PTPRG: variants seen among roughly 807,000 people sequenced by gnomAD.
The protein encoded by PTPRG is protein tyrosine phosphatase receptor type G.
In PTPRG, 102 loss-of-function variants were observed where a neutral mutation model predicts 165.3. The observed-to-expected ratio is 0.62, with a 90% CI of 0.53 to 0.73. The LOEUF (loss-of-function observed/expected upper bound fraction) is 0.73. Ranked by LOEUF, PTPRG falls within the 30% of genes least tolerant of loss-of-function variation. The probability of loss-of-function intolerance (pLI) is 0.00; values close to 1 mark genes in which losing one functional copy is unlikely to be tolerated. For synonymous variants in PTPRG, 675 were observed against 669.5 expected, an observed-to-expected ratio of 1.01 and a Z score of -0.13; for missense variants, 1,866 against 1,861.4, an observed-to-expected ratio of 1.00 and a Z score of -0.05.
Position 62,271,597 on chromosome 3 carries a change from G to T in PTPRG, c.3182+42G>T. On this transcript the variant is annotated intron_variant, in intron 21 of 29. Coordinates refer to ENST00000474889, the MANE Select transcript of PTPRG (RefSeq NM_002841.4). The surrounding 1 kb of genome is among the most constrained non-coding windows in gnomAD (Gnocchi z 4.1). ...AACATGTGAAATAGATGGGGCAGGG[G>T]ACTTAGGCCTCAGTGACCTTGGACC... 2 of 1,561,572 alleles carry T rather than the reference G, an allele frequency of 1.3e-6. No individual in the cohort carries two copies. The highest frequency in any genetic ancestry group is 2.4e-5 in the South Asian group (2 of 83,678).
chr3:61,843,534 A>T (rs2036713406), intron 2 of PTPRG, among the ~76,000 whole-genome samples: 1 of 152,202 alleles, frequency 6.6e-6, no homozygotes, highest in Admixed American at 6.5e-5. Context: ...GGTGAAGAAG[A>T]AGTTAAAATG....
At chr3:61,900,902 A>T (rs1393831895) in intron 2 of PTPRG, among the ~76,000 whole-genome samples, 1 of 152,204 alleles carries the variant, frequency 6.6e-6, no homozygotes, top group Non-Finnish European at 1.5e-5. Context: ...ATCTAACCTC[A>T]CGAAGCCTCC....
intron 12 of PTPRG, among the ~76,000 whole-genome samples, chr3:62,216,613 A>C (rs1700516210): frequency 7.1e-6 from 1 of 141,214 alleles, no homozygotes; most frequent in African/African-American, 2.7e-5. Context: ...AATTATTCTT[A>C]TTTGCAACTC....
Position 62,035,890 on chromosome 3 carries a change from T to C in PTPRG, c.519+32393T>C, listed in dbSNP as rs1291908266. Among the ~76,000 whole-genome samples, 6 of 152,336 alleles carry C rather than the reference T, an allele frequency of 3.9e-5. No individual in the cohort carries two copies. The East Asian group carries it at 9.6e-4, about 24-fold the overall frequency. Reference sequence around the variant, plus strand: ...TAAGCCTTACATGGTTGTAGGCCTATGTCCAGCAATTGGTGGGAGCACTGT... The same window carrying C: ...TAAGCCTTACATGGTTGTAGGCCTACGTCCAGCAATTGGTGGGAGCACTGT... On this transcript the variant is annotated intron_variant, in intron 4 of 29. Coordinates refer to ENST00000474889, the MANE Select transcript of PTPRG (RefSeq NM_002841.4).
intron 2 of PTPRG, among the ~76,000 whole-genome samples, chr3:61,941,924 C>T (rs557376685): frequency 2.6e-5 from 4 of 151,284 alleles, no homozygotes; most frequent in South Asian, 2.1e-4. Flanking sequence ...TTTGGAAGGT[C>T]GCGGCGGGTG....
At chr3:61,923,860 T>C (rs916931076) in intron 2 of PTPRG, among the ~76,000 whole-genome samples, 9 of 152,018 alleles carry the variant, frequency 5.9e-5, no homozygotes, top group African/African-American at 2.2e-4. Context: ...ATCACTATGC[T>C]ATTATGCTAT....
Position 62,203,285 on chromosome 3 carries a change from G to T in PTPRG, c.1490G>T (p.Gly497Val), listed in dbSNP as rs752287431. The stretch of plus-strand genomic sequence containing the variant: ...TTTGTTTCCATGGCAACTGGGATGG[G>T]CCCCTCCTCCAGTGGCAGCCAGGCC... ...FSFVSMATGM[G>V]PSSSGSQATV... The change falls in exon 12 of 30, where the codon GGC becomes GTC. Residue 497 changes from glycine (G) to valine (V), a missense_variant. Physicochemically the swap from Gly to Val is moderately radical, Grantham distance 109. Around this residue, in one of 3 missense-constraint regions of PTPRG, gnomAD observed 1,452 missense variants for 1,463.0 expected, o/e 0.99. Transcript: ENST00000474889. This position sits in a 1 kb window ranked among gnomAD's most constrained non-coding sequence, Gnocchi z 6.4. 10 of 1,613,590 alleles carry T rather than the reference G, an allele frequency of 6.2e-6. No individual in the cohort carries two copies. The highest frequency in any genetic ancestry group is 8.5e-6 in the Non-Finnish European group (10 of 1,179,974).
At chr3:61,760,088 G>T (rs2033782984) in intron 2 of PTPRG, among the ~76,000 whole-genome samples, 1 of 152,144 alleles carries the variant, frequency 6.6e-6, no homozygotes, top group Non-Finnish European at 1.5e-5. Context: ...CTAAGCAGTA[G>T]TACAGCTGGC....
intron 2 of PTPRG, among the ~76,000 whole-genome samples, chr3:61,950,558 T>A: frequency 6.7e-6 from 1 of 150,374 alleles, no homozygotes. Flanking sequence ...ATGCCTTAAA[T>A]GGTTTTTTTT....
At chr3:62,026,816 G>T (rs12637174) in intron 4 of PTPRG, among the ~76,000 whole-genome samples, 1 of 145,500 alleles carries the variant, frequency 6.9e-6, no homozygotes, top group African/African-American at 2.6e-5. Context: ...AACCCGGGAG[G>T]TGGAGGTTGC....
chr3:61,839,771 A>G (rs1016729249), intron 2 of PTPRG, among the ~76,000 whole-genome samples: 2 of 152,246 alleles, frequency 1.3e-5, no homozygotes, highest in Admixed American at 1.3e-4. Context: ...TGCTTTGGAC[A>G]TTTTCTGAAT....
intron 1 of PTPRG, among the ~76,000 whole-genome samples, chr3:61,625,676 G>A (rs1701589078): frequency 6.6e-6 from 1 of 152,130 alleles, no homozygotes; most frequent in Non-Finnish European, 1.5e-5. Context: ...GAATTTACTG[G>A]CCATTGGTGC....
intron 2 of PTPRG, among the ~76,000 whole-genome samples, chr3:61,946,165 C>T (rs993616806): frequency 6.6e-6 from 1 of 152,130 alleles, no homozygotes; most frequent in African/African-American, 2.4e-5. Flanking sequence ...TTGTGTCTTC[C>T]TCATACAATC....
chr3:61,685,095 A>G (rs989606705), intron 1 of PTPRG, among the ~76,000 whole-genome samples: 4 of 152,128 alleles, frequency 2.6e-5, no homozygotes, highest in Non-Finnish European at 4.4e-5. Flanking sequence ...TCTTAAGTAC[A>G]AGACTGCCTA....
intron 1 of PTPRG, among the ~76,000 whole-genome samples, chr3:61,704,347 C>T (rs1475163867): frequency 1.3e-5 from 2 of 152,166 alleles, no homozygotes; most frequent in East Asian, 3.9e-4. Context: ...ACACTTTGGG[C>T]CAGATAATTG....
intron 2 of PTPRG, among the ~76,000 whole-genome samples, chr3:61,808,838 C>G (rs769938603): frequency 3.3e-5 from 5 of 151,770 alleles, no homozygotes; most frequent in Non-Finnish European, 5.9e-5. Flanking sequence ...TGGGTCAACT[C>G]CTAATGGGGC....
At chr3:61,570,976 C>G (rs1559507508) in intron 1 of PTPRG, among the ~76,000 whole-genome samples, 1 of 152,094 alleles carries the variant, frequency 6.6e-6, no homozygotes, top group East Asian at 1.9e-4. Context: ...ATACATATCT[C>G]TTATTCAGAA....
At chr3:62,205,797 G>A (rs1389760149) in intron 12 of PTPRG, among the ~76,000 whole-genome samples, 3 of 152,154 alleles carry the variant, frequency 2.0e-5, no homozygotes, top group Non-Finnish European at 4.4e-5. Context: ...ACCACGCTGA[G>A]GATTTCCTTC....
At chr3:61,562,885 G>A (rs1041322202) in intron 1 of PTPRG, among the ~76,000 whole-genome samples, 1 of 152,142 alleles carries the variant, frequency 6.6e-6, no homozygotes, top group African/African-American at 2.4e-5. Flanking sequence ...GGAAGTCGGA[G>A]GCTGGCTGCG....
Sources: gnomAD v4.1 joint callset for allele counts (sites outside exome capture counted in the v4.1 genomes callset) on GRCh38, gnomAD v4.1.1 for gene constraint, gnomAD v4.1.1 regional missense constraint, Gnocchi (gnomAD v3.1) non-coding constraint, MANE v1.5 for transcripts, NCBI Gene and HGNC (gene_info 2026-07-23, HGNC 2026-07-21) for gene names.